ZNF704: variants seen among roughly 807,000 people sequenced by gnomAD.
ZNF704 encodes glucocorticoid induced gene 1.
In ZNF704, 10 loss-of-function variants were observed where a neutral mutation model predicts 44.7. The observed-to-expected ratio is 0.22, with a 90% CI of 0.14 to 0.38. The LOEUF (loss-of-function observed/expected upper bound fraction) is 0.38. Among genes scored for constraint, ZNF704 ranks in the 10% least tolerant of loss-of-function variants. The pLI is 1.00. For synonymous variants in ZNF704, 211 were observed against 207.6 expected, an observed-to-expected ratio of 1.02 and a Z score of -0.14; for missense variants, 390 against 545.5, an observed-to-expected ratio of 0.71 and a Z score of 2.84.
intron 2 of ZNF704, among the ~76,000 whole-genome samples, chr8:80,708,358 A>G (rs918746908): frequency 2.0e-5 from 3 of 152,246 alleles, no homozygotes; most frequent in Non-Finnish European, 4.4e-5. Context: ...GATCAGTAAC[A>G]TGGCTGGGTG....
In ZNF704 at chr8:80,792,894, G is replaced by A. The variant is rs73262540; in HGVS notation, c.221+28480C>T. ...TAATTTCAGACTTGCAAGAGATCCT[G>A]AAGCGGAGGACCCAGCTAAGCCATG... On this transcript the variant is annotated intron_variant, in intron 2 of 8. Coordinates refer to ENST00000327835, the MANE Select transcript of ZNF704 (RefSeq NM_001033723.3). Among the ~76,000 whole-genome samples the A allele has an allele frequency of 6.8e-3, 1,035 of 152,342 alleles. 15 individuals carry two copies. Among genetic ancestry groups the A allele is most frequent in the African/African-American group, 0.023 (948 of 41,582 alleles).
intron 1 of ZNF704, among the ~76,000 whole-genome samples, chr8:80,837,770 C>T (rs2129951249): frequency 6.6e-6 from 1 of 152,260 alleles, no homozygotes; most frequent in East Asian, 1.9e-4. Context: ...CGAAGGAGGC[C>T]AAGCAGCTGT....
At chr8:80,877,317 A>G (rs933455427), upstream of ZNF704, among the ~76,000 whole-genome samples, 3 of 151,922 alleles carry the variant, frequency 2.0e-5, no homozygotes, top group Non-Finnish European at 2.9e-5. Flanking sequence ...TCAGGCAGGG[A>G]GAGCAGCATT....
chr8:80,844,815 T>C (rs1012416007), intron 1 of ZNF704, among the ~76,000 whole-genome samples: 2 of 151,178 alleles, frequency 1.3e-5, no homozygotes, highest in African/African-American at 2.4e-5. Flanking sequence ...AAGCTTGAAT[T>C]TTTTTTCTTC....
At chr8:80,823,683 C>A (rs1808320069) in intron 1 of ZNF704, among the ~76,000 whole-genome samples, 2 of 152,162 alleles carry the variant, frequency 1.3e-5, no homozygotes, top group African/African-American at 4.8e-5. Flanking sequence ...TAGGGGCTGA[C>A]TGAAACCTCA....
chr8:80,850,246 T>C lies in ZNF704; in HGVS notation c.-22+24325A>G, dbSNP rs73264439. On this transcript the variant is annotated intron_variant, in intron 1 of 8. Coordinates refer to ENST00000327835, the MANE Select transcript of ZNF704 (RefSeq NM_001033723.3). ...CAGAAACTTGTCTTTTTTTGTCCGT[T>C]ATTTTTCTGTAATATAGAAATGTAA... is the stretch of plus-strand genomic sequence containing the variant. 3.6e-3 allele frequency among the ~76,000 whole-genome samples: 546 copies of C among 152,350 alleles called. 3 individuals carry two copies. The highest frequency in any genetic ancestry group is 0.012 in the African/African-American group (511 of 41,588).
chr8:80,866,959 T>G (rs1809166448), intron 1 of ZNF704, among the ~76,000 whole-genome samples: 5 of 152,144 alleles, frequency 3.3e-5, no homozygotes, highest in Admixed American at 3.3e-4. Flanking sequence ...AGGGCTTGAC[T>G]TCTTGCTTTT....
At chr8:80,645,667 A>G (rs1334459216) in intron 7 of ZNF704, among the ~76,000 whole-genome samples, 4 of 151,952 alleles carry the variant, frequency 2.6e-5, no homozygotes, top group Non-Finnish European at 5.9e-5. Flanking sequence ...TTCACCTTCC[A>G]CCATGAGTAA....
At chr8:80,735,943 G>A (rs569947072) in intron 2 of ZNF704, among the ~76,000 whole-genome samples, 4 of 152,248 alleles carry the variant, frequency 2.6e-5, no homozygotes, top group South Asian at 2.1e-4. Flanking sequence ...AATATAAACA[G>A]GAAGGAAGGA....
At chr8:80,821,093 A>AT in intron 2 of ZNF704, among the ~76,000 whole-genome samples, 1 of 152,134 alleles carries the variant, frequency 6.6e-6, no homozygotes, top group Non-Finnish European at 1.5e-5. Flanking sequence ...TTTCATCCTA[A>AT]TTTTTTGCAT....
intron 2 of ZNF704, among the ~76,000 whole-genome samples, chr8:80,739,238 G>T (rs189347925): frequency 6.6e-6 from 1 of 152,164 alleles, no homozygotes; most frequent in Non-Finnish European, 1.5e-5. Context: ...GGAGAACCAC[G>T]ATAGTCTTTC....
At chr8:80,765,343 TCTC>T (rs1807211013) in intron 2 of ZNF704, among the ~76,000 whole-genome samples, 1 of 152,058 alleles carries the variant, frequency 6.6e-6, no homozygotes, top group Non-Finnish European at 1.5e-5. Flanking sequence ...CTCACACTAA[TCTC>T]CTATGGAAAT....
intron 1 of ZNF704, among the ~76,000 whole-genome samples, chr8:80,828,746 T>C (rs1040397698): frequency 6.6e-6 from 1 of 152,180 alleles, no homozygotes; most frequent in African/African-American, 2.4e-5. Flanking sequence ...TAGCAGAGAC[T>C]GGTAAAGGAA....
chr8:80,641,805 G>A (rs1817749413), intron 8 of ZNF704, among the ~76,000 whole-genome samples: 1 of 152,136 alleles, frequency 6.6e-6, no homozygotes, highest in Admixed American at 6.5e-5. Context: ...AGTTTGCAGT[G>A]AGCCAAGATC....
At chr8:80,680,362 T>C (rs1255324211) in intron 4 of ZNF704, among the ~76,000 whole-genome samples, 2 of 144,894 alleles carry the variant, frequency 1.4e-5, no homozygotes, top group Non-Finnish European at 2.9e-5. Context: ...GATCTTCAGG[T>C]ATTTTTTTTT....
chr8:80,646,455 A>T (rs1585919429), intron 7 of ZNF704, among the ~76,000 whole-genome samples: 2 of 150,616 alleles, frequency 1.3e-5, no homozygotes, highest in East Asian at 3.9e-4. Context: ...TAGCCTGGGC[A>T]ACAGAGTGAG....
At chr8:80,766,643 C>T (rs147019081) in intron 2 of ZNF704, among the ~76,000 whole-genome samples, 1 of 152,284 alleles carries the variant, frequency 6.6e-6, no homozygotes, top group African/African-American at 2.4e-5. Flanking sequence ...TACTACCACA[C>T]TTAGCTGACT....
chr8:80,861,023 C>A (rs1809052575), intron 1 of ZNF704, among the ~76,000 whole-genome samples: 1 of 152,142 alleles, frequency 6.6e-6, no homozygotes, highest in Non-Finnish European at 1.5e-5. Context: ...AGAAGAATGT[C>A]CATCAAATTC....
intron 2 of ZNF704, among the ~76,000 whole-genome samples, chr8:80,777,883 A>G (rs79444736): frequency 3.4e-5 from 5 of 146,726 alleles, no homozygotes; most frequent in Non-Finnish European, 7.5e-5. Flanking sequence ...CGACTCAACA[A>G]AAAAAAAAAA....
Sources: allele counts gnomAD v4.1 joint callset (sites outside exome capture counted in the v4.1 genomes callset), GRCh38; gene constraint gnomAD v4.1.1; transcripts MANE v1.5; gene names NCBI Gene and HGNC (gene_info 2026-07-23, HGNC 2026-07-21).